ANO5: variants seen among roughly 807,000 people sequenced by gnomAD.
ANO5 encodes anoctamin 5.
Under a neutral mutation model 121.0 loss-of-function variants are expected in ANO5, and 109 were observed. The ratio of observed to expected loss-of-function variants is 0.90; its 90% CI spans 0.77 to 1.06. The LOEUF (loss-of-function observed/expected upper bound fraction) is 1.06, where lower values mean the gene tolerates loss of function less well. Ranked by LOEUF, ANO5 falls within the 50% of genes least tolerant of loss-of-function variation. The pLI is 0.00. For synonymous variants in ANO5, 406 were observed against 359.9 expected, an observed-to-expected ratio of 1.13 and a Z score of -1.45; for missense variants, 1,064 against 1,078.5, an observed-to-expected ratio of 0.99 and a Z score of 0.19.
At chr11:22,239,764 C>T (rs1853364427) in intron 9 of ANO5, 80 bp downstream of exon 9, 1 of 1,082,512 alleles carries the variant, frequency 9.2e-7, no homozygotes, top group South Asian at 1.3e-5. Flanking sequence ...ATTTTTTTTA[C>T]TACTATTTTC....
intron 21 of ANO5, among the ~76,000 whole-genome samples, chr11:22,276,758 C>G (rs1399424524): frequency 6.6e-6 from 1 of 150,656 alleles, no homozygotes; most frequent in Non-Finnish European, 1.5e-5. Context: ...GTAAACAATA[C>G]AGAGGCAGTA....
Position 22,244,092 on chromosome 11 carries a change from G to A in ANO5, c.878+4408G>A, listed in dbSNP as rs142348721. ...CTCTCTTAAGGACCTCTTGTAAGCCGTGTCTAGTGGTAAAAAATTATCTCA... is the reference window on the plus strand; with the variant it reads ...CTCTCTTAAGGACCTCTTGTAAGCCATGTCTAGTGGTAAAAAATTATCTCA... On this transcript the variant is annotated intron_variant, in intron 9 of 21. Coordinates refer to ENST00000324559, the MANE Select transcript of ANO5 (RefSeq NM_213599.3). Among the ~76,000 whole-genome samples, 526 of 152,090 alleles carry A rather than the reference G, an allele frequency of 3.5e-3. 4 individuals carry two copies. Among genetic ancestry groups the A allele is most frequent in the African/African-American group, 0.012 (495 of 41,506 alleles).
chr11:22,239,318 C>T (rs1564930355), intron 8 of ANO5, among the ~76,000 whole-genome samples: 3 of 152,006 alleles, frequency 2.0e-5, no homozygotes, highest in Admixed American at 6.6e-5. Flanking sequence ...AAGGGCATTC[C>T]AGGTGAAAGA....
intron 21 of ANO5, among the ~76,000 whole-genome samples, chr11:22,277,266 C>T (rs563460960): frequency 5.3e-5 from 8 of 151,494 alleles, no homozygotes; most frequent in Non-Finnish European, 1.0e-4. Flanking sequence ...TTTTTGGTCT[C>T]ATTCTGAAAT....
chr11:22,281,391 T>C lies in ANO5; in HGVS notation c.*1626T>C, dbSNP rs1326759905. The C allele has an allele frequency of 6.6e-6, 1 of 152,072 alleles. No individual in the cohort carries two copies. The highest frequency in any genetic ancestry group is 1.5e-5 in the Non-Finnish European group (1 of 67,916). The allele number at this position is 152,072 out of a possible 1,614,324, so 9.4% of individuals were successfully genotyped here. On this transcript the variant is annotated 3_prime_UTR_variant, in exon 22 of 22. Coordinates refer to ENST00000324559, the MANE Select transcript of ANO5 (RefSeq NM_213599.3). The stretch of plus-strand genomic sequence containing the variant: ...AAACTATGAGACAGTCACCCCAGTT[T>C]GGACTGGGACTAATCCCCAGTACTG...
upstream of ANO5, chr11:22,192,876 A>C: frequency 1.5e-6 from 1 of 663,230 alleles, no homozygotes; most frequent in Admixed American, 6.3e-5. Flanking sequence ...GCATGTCCGG[A>C]GGAGGTGCGG....
rs146341538 is a variant in ANO5 at position 22,270,337 on chromosome 11, C to G, written c.1924C>G (p.Arg642Gly). Residue 642 changes from arginine (R) to glycine (G), a missense_variant, in exon 18 of 22, where the codon CGA (arginine) becomes GGA (glycine). Arg to Gly is a moderately radical substitution (Grantham distance 125). Transcript: ENST00000324559. Reference protein sequence around the residue: ...YPLALNWWRRRKARTNSEKLY... With the variant: ...YPLALNWWRRGKARTNSEKLY... The stretch of plus-strand genomic sequence containing the variant: ...CTTGGCTTTGAATTGGTGGAGACGC[C>G]GAAAAGCTCGGACAAACTCTGAGAA... The G allele has an allele frequency of 5.4e-5, 87 of 1,613,926 alleles. No homozygotes were observed. The highest frequency in any genetic ancestry group is 1.0e-5 in the Non-Finnish European group (12 of 1,180,008).
chr11:22,264,132 T>G (rs980517227), intron 17 of ANO5, among the ~76,000 whole-genome samples: 1 of 151,428 alleles, frequency 6.6e-6, no homozygotes, highest in East Asian at 2.0e-4. Flanking sequence ...CAAGCAATTT[T>G]CCTGCTTCAG....
chr11:22,228,004 A>C (rs115232570), intron 7 of ANO5, among the ~76,000 whole-genome samples: 4,242 of 152,178 alleles, frequency 0.028, 189 homozygotes, highest in African/African-American at 0.096. Context: ...ATATGGATAA[A>C]ATTTGAGAAA....
At chr11:22,276,288 A>G (rs1854846703) in intron 21 of ANO5, 89 bp downstream of exon 21, 1 of 1,037,350 alleles carries the variant, frequency 9.6e-7, no homozygotes, top group Admixed American at 1.8e-5. Context: ...AAAGTTAGCA[A>G]TATCTCAGTA....
Position 22,274,713 on chromosome 11 carries a change from G to C in ANO5, c.2380G>C (p.Ala794Pro). The C allele has an allele frequency of 6.2e-7, 1 of 1,613,352 alleles. No individual in the cohort carries two copies. Among genetic ancestry groups the C allele is most frequent in the Non-Finnish European group, 8.5e-7 (1 of 1,179,550 alleles). Reference sequence around the variant, plus strand: ...GATAGCTGATTTTCCAAACCACACTGCACCTTCGGAAAAACGAGACTTCAT... The same window carrying C: ...GATAGCTGATTTTCCAAACCACACTCCACCTTCGGAAAAACGAGACTTCAT... ...FLIADFPNHTAPSEKRDFITC... is the reference protein window; with the variant it reads ...FLIADFPNHTPPSEKRDFITC... The change falls in exon 20 of 22, where the codon GCA becomes CCA. Residue 794 changes from alanine to proline, a missense_variant. Physicochemically the swap from Ala to Pro is conservative, Grantham distance 27. Coordinates refer to ENST00000324559, the MANE Select transcript of ANO5 (RefSeq NM_213599.3).
At chr11:22,260,820 T>C (rs1854163977) in intron 15 of ANO5, among the ~76,000 whole-genome samples, 1 of 152,226 alleles carries the variant, frequency 6.6e-6, no homozygotes, top group African/African-American at 2.4e-5. Context: ...CATACTTTTC[T>C]ACATTTTTGT....
chr11:22,217,209 G>T (rs75121932), intron 3 of ANO5, among the ~76,000 whole-genome samples: 1,792 of 152,050 alleles, frequency 0.012, 21 homozygotes, highest in Middle Eastern at 0.027. Flanking sequence ...TTAAGTAATT[G>T]TATTGGATTA....
chr11:22,255,561 T>C (rs369544098), intron 13 of ANO5, 39 bp downstream of exon 13: 16 of 1,603,866 alleles, frequency 1.0e-5, no homozygotes, highest in Admixed American at 3.3e-5. Flanking sequence ...CATATCTCAA[T>C]GGACACACTG....
chr11:22,250,138 G>T, intron 9 of ANO5, 99 bp from the exon 10 acceptor site: 1 of 1,138,062 alleles, frequency 8.8e-7, no homozygotes, highest in Non-Finnish European at 1.3e-6. Flanking sequence ...GAAAGCAGTG[G>T]AGCCAAAATT....
At chr11:22,262,812 G>T in intron 16 of ANO5, 134 bp from the exon 17 acceptor site, 2 of 730,838 alleles carry the variant, frequency 2.7e-6, no homozygotes, top group Non-Finnish European at 4.9e-6. Context: ...TGGAACTATT[G>T]GGCTAAATAT....
chr11:22,248,539 T>G (rs1008139301), intron 9 of ANO5, among the ~76,000 whole-genome samples: 16 of 152,178 alleles, frequency 1.1e-4, no homozygotes, highest in African/African-American at 3.6e-4. Flanking sequence ...TCCTGAAAGA[T>G]TATTTCGTTG....
At chr11:22,260,169 C>T (rs1374664927) in intron 15 of ANO5, among the ~76,000 whole-genome samples, 1 of 152,054 alleles carries the variant, frequency 6.6e-6, no homozygotes, top group South Asian at 2.1e-4. Flanking sequence ...TAAATTTTAG[C>T]GCTTTTCTTT....
intron 17 of ANO5, 119 bp from the exon 18 acceptor site, chr11:22,270,193 C>T: frequency 7.5e-7 from 1 of 1,331,754 alleles, no homozygotes; most frequent in Non-Finnish European, 1.0e-6. Flanking sequence ...TCTCTTTGCT[C>T]TGTGATCTTA....
Sources: gnomAD v4.1 joint callset for allele counts (sites outside exome capture counted in the v4.1 genomes callset) on GRCh38, gnomAD v4.1.1 for gene constraint, MANE v1.5 for transcripts, NCBI Gene and HGNC (gene_info 2026-07-23, HGNC 2026-07-21) for gene names.